IQGAP3: variants seen among roughly 807,000 people sequenced by gnomAD.
IQGAP3 encodes the protein ras GTPase-activating-like protein IQGAP3.
A neutral mutation model predicts 208.2 loss-of-function variants in IQGAP3; 165 were observed. That is an observed-to-expected ratio of 0.79 (90% CI 0.70 to 0.90). The LOEUF is 0.90. Ranked by LOEUF, IQGAP3 falls within the 40% of genes least tolerant of loss-of-function variation. IQGAP3 has a pLI of 0.00. For missense variants in IQGAP3, 1,811 were observed against 2,043.1 expected (o/e 0.89, Z 2.19); for synonymous variants, 703 against 803.6 (o/e 0.87, Z 2.12).
Position 156,535,315 on chromosome 1 carries a change from T to C in IQGAP3, c.3423-68A>G, listed in dbSNP as rs573780961. The C allele has an allele frequency of 6.1e-5, 69 of 1,123,502 alleles. 1 individual carries two copies. In the South Asian group the frequency reaches 9.0e-4, roughly 15 times the overall value. The allele number at this position is 1,123,502 out of a possible 1,614,324, so 69.6% of individuals were successfully genotyped here. On this transcript the variant is annotated intron_variant, in intron 27 of 37. Transcript: ENST00000361170. ...ATCTCTCTCTGCCAGAGATAAGAGC[T>C]TGAGTGCCTGGCTGTCTCTTCTCCC...
rs1352240832 is a variant in IQGAP3, at chr1:156,539,843, G to T, written c.2887C>A (p.Leu963Ile). Residue 963 changes from leucine (L) to isoleucine (I), a missense_variant, in exon 24 of 38, where the codon CTC becomes ATC. By Grantham distance (5) the Leu-to-Ile change is conservative (BLOSUM62 2). Transcript: ENST00000361170. ...LEAYQHLFYL[L>I]QTQPIYLAKL... is the part of the protein sequence containing the mutation. ...TTGGAAAGTCCTCTGCTAACCTGGA[G>T]CAGGTAGAAGAGGTGTTGGTATGCT... is the stretch of plus-strand genomic sequence containing the variant. 25 of 1,614,148 alleles carry T rather than the reference G, an allele frequency of 1.5e-5. No homozygotes were observed. Among genetic ancestry groups the T allele is most frequent in the Non-Finnish European group, 2.1e-5 (25 of 1,179,958 alleles).
At chr1:156,530,050 ACG>A in intron 34 of IQGAP3, 53 bp downstream of exon 34, 2 of 1,338,932 alleles carry the variant, frequency 1.5e-6, no homozygotes. Flanking sequence ...ATGTATATGC[ACG>A]CACACACACA....
rs777673429 is a variant in IQGAP3 at position 156,548,451 on chromosome 1, T to A, written c.2030A>T (p.Asp677Val). 3.1e-6 allele frequency: 5 copies of A among 1,613,762 alleles called. No individual in the cohort carries two copies. The highest frequency in any genetic ancestry group is 2.2e-5 in the East Asian group (1 of 44,860). Residue 677 changes from aspartate (D) to valine (V), a missense_variant, in exon 18 of 38, where the codon GAT becomes GTT. Physicochemically the swap from Asp to Val is radical, Grantham distance 152 (BLOSUM62 -3). Coordinates refer to ENST00000361170, the MANE Select transcript of IQGAP3 (RefSeq NM_178229.5). The stretch of plus-strand genomic sequence containing the variant: ...CAGATGGAAGTAGTAGGCAGTGCCA[T>A]CCTTCATGTCATGTTGAACCCAGAA... ...TAFWVQHDMKDGTAYYFHLQT... is the reference protein window; with the variant it reads ...TAFWVQHDMKVGTAYYFHLQT...
chr1:156,527,289 G>T (rs1054694886), intron 37 of IQGAP3, among the ~76,000 whole-genome samples: 4 of 151,564 alleles, frequency 2.6e-5, no homozygotes, highest in Non-Finnish European at 5.9e-5. Flanking sequence ...AGACCAGCCT[G>T]ACCAACATGG....
chr1:156,533,276 A>G (rs1202360838), intron 31 of IQGAP3, among the ~76,000 whole-genome samples, 170 bp from the exon 32 acceptor site: 1 of 151,982 alleles, frequency 6.6e-6, no homozygotes, highest in Non-Finnish European at 1.5e-5. Context: ...TGTGTCCCCA[A>G]CCCTTAGCAC....
intron 34 of IQGAP3, among the ~76,000 whole-genome samples, chr1:156,529,431 G>A (rs1674272013): frequency 6.6e-6 from 1 of 151,666 alleles, no homozygotes; most frequent in South Asian, 2.1e-4. Flanking sequence ...CAGCTAATGT[G>A]GGGAAGAAAA....
intron 7 of IQGAP3, 41 bp downstream of exon 7, chr1:156,563,512 G>A (rs746881778): frequency 2.6e-6 from 4 of 1,527,870 alleles, no homozygotes; most frequent in African/African-American, 2.7e-5. Context: ...CCTCCCATAC[G>A]CATTGAGCCT....
At chr1:156,546,104 A>G (rs995640424) in intron 19 of IQGAP3, among the ~76,000 whole-genome samples, 1 of 152,140 alleles carries the variant, frequency 6.6e-6, no homozygotes, top group Admixed American at 6.5e-5. Flanking sequence ...TCCTCCAGGT[A>G]CTGACTGGAA....
chr1:156,546,016 G>T (rs530377050), intron 19 of IQGAP3, among the ~76,000 whole-genome samples: 1 of 152,160 alleles, frequency 6.6e-6, no homozygotes, highest in Non-Finnish European at 1.5e-5. Flanking sequence ...CTTGGTCCAT[G>T]ATGCCAGCTG....
intron 35 of IQGAP3, 88 bp from the exon 36 acceptor site, chr1:156,528,698 A>C: frequency 1.7e-6 from 2 of 1,187,404 alleles, no homozygotes; most frequent in Non-Finnish European, 2.4e-6. Context: ...AGGAAATGAG[A>C]CCCCGAGGAA....
At chr1:156,545,988 G>A (rs543362562) in intron 19 of IQGAP3, among the ~76,000 whole-genome samples, 1 of 152,272 alleles carries the variant, frequency 6.6e-6, no homozygotes, top group African/African-American at 2.4e-5. Flanking sequence ...TGTTGGGATA[G>A]GATGTAAAAG....
At chr1:156,571,510 C>T (rs1676642959) in intron 1 of IQGAP3, among the ~76,000 whole-genome samples, 1 of 152,128 alleles carries the variant, frequency 6.6e-6, no homozygotes, top group Non-Finnish European at 1.5e-5. Flanking sequence ...AAAACACTGG[C>T]CAACCACAGG....
rs115271613 is a variant in IQGAP3 at position 156,553,115 on chromosome 1, A to T, written c.1449-1020T>A. Reference sequence around the variant, plus strand: ...ACTCCAGCCTGGGTGACAGAACCAGACCCTGAGCTGTGATTGCACCACTGC... The same window carrying T: ...ACTCCAGCCTGGGTGACAGAACCAGTCCCTGAGCTGTGATTGCACCACTGC... On this transcript the variant is annotated intron_variant, in intron 13 of 37. Transcript: ENST00000361170. Among the ~76,000 whole-genome samples the T allele has an allele frequency of 9.8e-3, 1,474 of 150,702 alleles. 28 individuals are homozygous for T. Among genetic ancestry groups the T allele is most frequent in the African/African-American group, 0.034 (1,394 of 40,968 alleles).
chr1:156,525,690 ATTAG>A lies in IQGAP3; in HGVS notation c.*792_*795del, dbSNP rs1674008953. Reference sequence around the variant, plus strand: ...CCAAGGTAAAAAACACGGCATGGGTATTAGTTTGAATAGGGAAAATGAGAACTCT... The same window carrying A: ...CCAAGGTAAAAAACACGGCATGGGTATTTGAATAGGGAAAATGAGAACTCT... On this transcript the variant is annotated 3_prime_UTR_variant, in exon 38 of 38. Coordinates refer to ENST00000361170, the MANE Select transcript of IQGAP3 (RefSeq NM_178229.5). 7.6e-6 allele frequency: 1 copy of A among 131,058 alleles called. No individual in the cohort carries two copies. The highest frequency in any genetic ancestry group is 1.6e-5 in the Non-Finnish European group (1 of 63,184). 8.1% of individuals were successfully genotyped at this position (131,058 alleles called of 1,614,324 possible). A position where few individuals can be genotyped will look rare whatever the true frequency, so the allele number is the denominator to read the frequency against.
In IQGAP3 at chr1:156,566,057, T is replaced by C. The variant is rs1009932092; in HGVS notation, c.330A>G (p.Leu110=). 2 of 1,613,966 alleles carry C rather than the reference T, an allele frequency of 1.2e-6. No homozygotes were observed. Among genetic ancestry groups the C allele is most frequent in the African/African-American group, 1.3e-5 (1 of 75,038 alleles). ...FRHTDNINFW[L]SAIAHIGLPS... Reference sequence around the variant, plus strand: ...GCAGACCGATGTGGGCTATTGCAGATAGCCAAAAGTTGATGTTGTCTGTGT... The same window carrying C: ...GCAGACCGATGTGGGCTATTGCAGACAGCCAAAAGTTGATGTTGTCTGTGT... The change falls in exon 4 of 38, where the codon CTA becomes CTG. Residue 110 remains leucine, a synonymous_variant. Transcript: ENST00000361170.
At chr1:156,535,511 A>G (rs1309358541) in intron 27 of IQGAP3, among the ~76,000 whole-genome samples, 1 of 152,014 alleles carries the variant, frequency 6.6e-6, no homozygotes, top group Non-Finnish European at 1.5e-5. Flanking sequence ...ACAGCCTCCA[A>G]CCTGGCTCGA....
chr1:156,544,532 T>C, intron 19 of IQGAP3, 60 bp from the exon 20 acceptor site: 2 of 1,437,752 alleles, frequency 1.4e-6, no homozygotes, highest in African/African-American at 2.8e-5. Flanking sequence ...CAGAAAGGCT[T>C]TTAAGAAAAT....
chr1:156,551,095 A>C (rs2102407972), intron 15 of IQGAP3, among the ~76,000 whole-genome samples: 1 of 152,322 alleles, frequency 6.6e-6, no homozygotes, highest in African/African-American at 2.4e-5. Context: ...CAGAGTAAGG[A>C]CTCAATAAAT....
chr1:156,560,822 G>A, intron 11 of IQGAP3, 112 bp downstream of exon 11: 1 of 700,440 alleles, frequency 1.4e-6, no homozygotes, highest in Non-Finnish European at 2.5e-6. Context: ...TAGCCAGGCT[G>A]GAAACAGCAG....
Sources: gnomAD v4.1 joint callset for allele counts (sites outside exome capture counted in the v4.1 genomes callset) on GRCh38, gnomAD v4.1.1 for gene constraint, MANE v1.5 for transcripts, NCBI Gene and HGNC (gene_info 2026-07-23, HGNC 2026-07-21) for gene names.